NDST3: variants seen among roughly 807,000 people sequenced by gnomAD.
NDST3 encodes the protein bifunctional heparan sulfate N-deacetylase/N-sulfotransferase 3.
A neutral mutation model predicts 96.1 loss-of-function variants in NDST3; 58 were observed. The observed-to-expected ratio is 0.60, with a 90% CI of 0.49 to 0.75. The LOEUF is 0.75. Ranked by LOEUF, NDST3 falls within the 30% of genes least tolerant of loss-of-function variation. The pLI is 0.00. For missense variants in NDST3, 788 were observed against 1,034.2 expected, an observed-to-expected ratio of 0.76 and a Z score of 3.27; for synonymous variants, 333 against 359.7, an observed-to-expected ratio of 0.93 and a Z score of 0.84.
chr4:118,231,790 AC>A (rs1168079078), intron 8 of NDST3, among the ~76,000 whole-genome samples: 2 of 152,250 alleles, frequency 1.3e-5, no homozygotes, highest in African/African-American at 4.8e-5. Context: ...AGTATTAAAT[AC>A]ATGGCTAAAT....
At chr4:118,248,531 A>G (rs1741464546) in intron 12 of NDST3, among the ~76,000 whole-genome samples, 2 of 152,178 alleles carry the variant, frequency 1.3e-5, no homozygotes, top group African/African-American at 4.8e-5. Flanking sequence ...TTATTGAATA[A>G]TTATGTGCAT....
chr4:118,115,281 T>G (rs1256509931), intron 4 of NDST3, among the ~76,000 whole-genome samples: 1 of 152,182 alleles, frequency 6.6e-6, no homozygotes, highest in African/African-American at 2.4e-5. Context: ...AATATGCATG[T>G]TAAACAATTC....
chr4:118,143,523 A>AT, intron 5 of NDST3, 33 bp from the exon 6 acceptor site: 2 of 1,583,438 alleles, frequency 1.3e-6, no homozygotes, highest in Non-Finnish European at 1.7e-6. Flanking sequence ...GAAAAAAAAA[A>AT]GCTTTTCCTT....
At chr4:118,184,446 T>C (rs1424515629) in intron 6 of NDST3, among the ~76,000 whole-genome samples, 1 of 152,126 alleles carries the variant, frequency 6.6e-6, no homozygotes, top group Non-Finnish European at 1.5e-5. Flanking sequence ...CAGCAGATTG[T>C]GCTTGGACTC....
chr4:118,156,579 G>T (rs1214159197), intron 6 of NDST3, among the ~76,000 whole-genome samples: 1 of 152,108 alleles, frequency 6.6e-6, no homozygotes, highest in African/African-American at 2.4e-5. Flanking sequence ...AAAGAAATTT[G>T]GTTGCCTTGG....
chr4:118,108,675 A>C (rs997699414), intron 3 of NDST3, among the ~76,000 whole-genome samples: 1 of 152,196 alleles, frequency 6.6e-6, no homozygotes, highest in Non-Finnish European at 1.5e-5. Flanking sequence ...TTAGAGAGCC[A>C]TGAGACTTGA....
chr4:118,202,994 C>T (rs1738195601), intron 6 of NDST3, among the ~76,000 whole-genome samples: 1 of 152,080 alleles, frequency 6.6e-6, no homozygotes, highest in Non-Finnish European at 1.5e-5. Flanking sequence ...TCCTTCATTG[C>T]CTAGTCTGTT....
chr4:118,249,957 C>A (rs1338955166), intron 12 of NDST3, among the ~76,000 whole-genome samples: 1 of 152,188 alleles, frequency 6.6e-6, no homozygotes, highest in Admixed American at 6.5e-5. Flanking sequence ...CTCACCTTGA[C>A]CCCTAGGAAT....
intron 6 of NDST3, among the ~76,000 whole-genome samples, chr4:118,155,847 A>T (rs1043915480): frequency 1.3e-5 from 2 of 152,210 alleles, no homozygotes; most frequent in African/African-American, 4.8e-5. Flanking sequence ...TGACCTCCAT[A>T]GTTAAGAAAA....
At chr4:118,036,989 T>C (rs79725211) in intron 1 of NDST3, among the ~76,000 whole-genome samples, 2 of 81,258 alleles carry the variant, frequency 2.5e-5, no homozygotes, top group Non-Finnish European at 5.0e-5. Flanking sequence ...CATTGCTGAA[T>C]TTTTTTTTTC....
At chr4:118,177,106 T>C (rs893865300) in intron 6 of NDST3, among the ~76,000 whole-genome samples, 1 of 151,920 alleles carries the variant, frequency 6.6e-6, no homozygotes, top group African/African-American at 2.4e-5. Context: ...ATTTAAATAA[T>C]CCAAATATCA....
At chr4:118,161,693 C>T (rs1455339378) in intron 6 of NDST3, among the ~76,000 whole-genome samples, 2 of 152,182 alleles carry the variant, frequency 1.3e-5, no homozygotes, top group African/African-American at 4.8e-5. Flanking sequence ...GGGATATAAT[C>T]TCCTGGTGTG....
At chr4:118,198,608 C>T (rs1480116552) in intron 6 of NDST3, among the ~76,000 whole-genome samples, 1 of 152,048 alleles carries the variant, frequency 6.6e-6, no homozygotes, top group Non-Finnish European at 1.5e-5. Context: ...ATTTACAGTG[C>T]TATAATATTC....
chr4:118,131,025 T>C (rs1217536954), intron 4 of NDST3, among the ~76,000 whole-genome samples: 1 of 152,224 alleles, frequency 6.6e-6, no homozygotes, highest in Non-Finnish European at 1.5e-5. Context: ...CTTGGGAGTT[T>C]GATTATTAGA....
intron 3 of NDST3, among the ~76,000 whole-genome samples, chr4:118,106,210 G>A (rs969137751): frequency 6.6e-6 from 1 of 152,058 alleles, no homozygotes; most frequent in African/African-American, 2.4e-5. Flanking sequence ...CTGCTGTCTG[G>A]CTGTCTCTTA....
At chr4:118,173,826 TG>T (rs1467249896) in intron 6 of NDST3, among the ~76,000 whole-genome samples, 2 of 152,190 alleles carry the variant, frequency 1.3e-5, no homozygotes, top group African/African-American at 4.8e-5. Context: ...TTTTGTTCAT[TG>T]GTTTGTCTTG....
At chr4:118,156,600 C>A (rs554102730) in intron 6 of NDST3, among the ~76,000 whole-genome samples, 1 of 152,242 alleles carries the variant, frequency 6.6e-6, no homozygotes, top group East Asian at 1.9e-4. Context: ...AAGTACCTCA[C>A]CACAGAATTC....
At chr4:118,137,092 A>G (rs1242867203) in intron 4 of NDST3, among the ~76,000 whole-genome samples, 1 of 152,222 alleles carries the variant, frequency 6.6e-6, no homozygotes, top group African/African-American at 2.4e-5. Context: ...ATATTTCTGC[A>G]ATTTAAACCA....
intron 6 of NDST3, among the ~76,000 whole-genome samples, chr4:118,164,300 T>C (rs1032780227): frequency 6.6e-6 from 1 of 152,016 alleles, no homozygotes; most frequent in African/African-American, 2.4e-5. Flanking sequence ...TGAGAACACA[T>C]GGACACAAAG....
Sources: allele counts gnomAD v4.1 joint callset (sites outside exome capture counted in the v4.1 genomes callset), GRCh38; gene constraint gnomAD v4.1.1; transcripts MANE v1.5; gene names NCBI Gene and HGNC (gene_info 2026-07-23, HGNC 2026-07-21).